Variants in ZDHHC14 observed in about 807,000 individuals in gnomAD.
ZDHHC14 encodes the protein palmitoyltransferase ZDHHC14.
A neutral mutation model predicts 47.7 loss-of-function variants in ZDHHC14; 16 were observed. The ratio of observed to expected loss-of-function variants is 0.34; its 90% confidence interval spans 0.23 to 0.51. The LOEUF is 0.51. ZDHHC14 is among the 20% of genes least tolerant of loss of function. The probability of loss-of-function intolerance (pLI) is 0.97; values close to 1 mark genes in which losing one functional copy is unlikely to be tolerated. For missense variants in ZDHHC14, 515 were observed against 662.5 expected, an observed-to-expected ratio of 0.78 and a Z score of 2.44; for synonymous variants, 293 against 278.9, an observed-to-expected ratio of 1.05 and a Z score of -0.50.
At chr6:157,556,890 C>A (rs921402708) in intron 2 of ZDHHC14, among the ~76,000 whole-genome samples, 1 of 152,124 alleles carries the variant, frequency 6.6e-6, no homozygotes, top group Non-Finnish European at 1.5e-5. Context: ...AGAGGTGGGG[C>A]TGATGAGGAG....
intron 3 of ZDHHC14, among the ~76,000 whole-genome samples, chr6:157,604,113 T>C (rs1368190898): frequency 6.6e-6 from 1 of 151,802 alleles, no homozygotes; most frequent in Non-Finnish European, 1.5e-5. Context: ...ATGGCAAAAC[T>C]CCATCTCTAC....
At chr6:157,618,676 AG>A (rs1785064285) in intron 3 of ZDHHC14, among the ~76,000 whole-genome samples, 1 of 152,132 alleles carries the variant, frequency 6.6e-6, no homozygotes, top group South Asian at 2.1e-4. Context: ...CCTAGATTCT[AG>A]GAAGCTCAGA....
At chr6:157,492,450 AGCGGGAAG>A (rs201047627) in intron 1 of ZDHHC14, among the ~76,000 whole-genome samples, 3,666 of 152,212 alleles carry the variant, frequency 0.024, 128 homozygotes, top group African/African-American at 0.084. Context: ...AAAGCGGGAA[AGCGGGAAG>A]GCGGAGGCTC....
chr6:157,467,974 T>C (rs1779260640), intron 1 of ZDHHC14, among the ~76,000 whole-genome samples: 1 of 152,216 alleles, frequency 6.6e-6, no homozygotes, highest in Non-Finnish European at 1.5e-5. Flanking sequence ...TTAAATCCTA[T>C]TAAATAATTG....
chr6:157,552,567 G>A (rs1404540733), intron 2 of ZDHHC14, among the ~76,000 whole-genome samples: 1 of 152,176 alleles, frequency 6.6e-6, no homozygotes, highest in Non-Finnish European at 1.5e-5. Flanking sequence ...AGGAAGCAAA[G>A]GACTCAATGA....
intron 3 of ZDHHC14, among the ~76,000 whole-genome samples, chr6:157,610,370 T>A (rs567529720): frequency 1.1e-4 from 16 of 152,092 alleles, no homozygotes; most frequent in Non-Finnish European, 2.1e-4. Context: ...AGGCGGAGCT[T>A]GCAGTGAGCC....
intron 8 of ZDHHC14, among the ~76,000 whole-genome samples, chr6:157,666,898 A>C (rs1465879909): frequency 6.6e-6 from 1 of 152,242 alleles, no homozygotes; most frequent in Non-Finnish European, 1.5e-5. Context: ...TGCAAGTTAC[A>C]TGCCGACACT....
At chr6:157,541,617 A>G (rs968754746) in intron 1 of ZDHHC14, among the ~76,000 whole-genome samples, 2 of 152,178 alleles carry the variant, frequency 1.3e-5, no homozygotes, top group African/African-American at 2.4e-5. Flanking sequence ...ATGTTCCCCA[A>G]TGCCCATGAT....
chr6:157,486,556 T>C (rs1779783093), intron 1 of ZDHHC14, among the ~76,000 whole-genome samples: 1 of 152,188 alleles, frequency 6.6e-6, no homozygotes, highest in Non-Finnish European at 1.5e-5. Context: ...TGAGCACATA[T>C]TGAGCACCTA....
At chr6:157,636,354 T>TGTGTGTGTGC (rs1375856412) in intron 5 of ZDHHC14, among the ~76,000 whole-genome samples, 2 of 151,778 alleles carry the variant, frequency 1.3e-5, no homozygotes, top group Non-Finnish European at 2.9e-5. Context: ...TGTGTGTGTG[T>TGTGTGTGTGC]GTGTGTGCAT....
chr6:157,459,179 T>C (rs1224453557), intron 1 of ZDHHC14, among the ~76,000 whole-genome samples: 1 of 152,140 alleles, frequency 6.6e-6, no homozygotes, highest in Admixed American at 6.5e-5. Flanking sequence ...AAATGCAGAA[T>C]AAAGGTATTT....
chr6:157,457,738 TTC>T (rs1051412306), intron 1 of ZDHHC14, among the ~76,000 whole-genome samples: 1 of 152,176 alleles, frequency 6.6e-6, no homozygotes, highest in African/African-American at 2.4e-5. Flanking sequence ...CCTGTATAGA[TTC>T]TGTGTTCCTG....
At chr6:157,612,162 A>G (rs1583018793) in intron 3 of ZDHHC14, among the ~76,000 whole-genome samples, 1 of 152,122 alleles carries the variant, frequency 6.6e-6, no homozygotes, top group East Asian at 1.9e-4. Context: ...CAGTTTGCTT[A>G]CTAGGTGGAT....
intron 2 of ZDHHC14, among the ~76,000 whole-genome samples, chr6:157,573,864 C>T (rs1382827208): frequency 6.6e-6 from 1 of 152,080 alleles, no homozygotes; most frequent in Non-Finnish European, 1.5e-5. Context: ...CATCAGCATT[C>T]CCCGTGCCCA....
intron 1 of ZDHHC14, among the ~76,000 whole-genome samples, chr6:157,425,501 G>A (rs954299493): frequency 5.3e-5 from 8 of 152,144 alleles, no homozygotes; most frequent in Non-Finnish European, 1.0e-4. Flanking sequence ...AATGATAGCG[G>A]ACATTGTGTC....
chr6:157,553,362 TG>T (rs1446029255), intron 2 of ZDHHC14, among the ~76,000 whole-genome samples: 1 of 152,056 alleles, frequency 6.6e-6, no homozygotes, highest in Non-Finnish European at 1.5e-5. Context: ...AGGGCCTCGC[TG>T]GGAAGAGCAC....
intron 2 of ZDHHC14, among the ~76,000 whole-genome samples, chr6:157,574,687 C>T (rs1290761263): frequency 6.6e-6 from 1 of 152,196 alleles, no homozygotes; most frequent in African/African-American, 2.4e-5. Flanking sequence ...TCATTGGTTT[C>T]CCCATTTTAA....
chr6:157,392,243 A>G (rs973820721), intron 1 of ZDHHC14, among the ~76,000 whole-genome samples: 2 of 152,248 alleles, frequency 1.3e-5, no homozygotes, highest in Admixed American at 1.3e-4. Context: ...GTTATATACA[A>G]TTAAGAGCAT....
At chr6:157,665,633 G>T (rs527924207) in intron 8 of ZDHHC14, among the ~76,000 whole-genome samples, 1 of 152,102 alleles carries the variant, frequency 6.6e-6, no homozygotes, top group Non-Finnish European at 1.5e-5. Context: ...ATAATTTTAC[G>T]TCTAGATAAG....
Sources: allele counts gnomAD v4.1 joint callset (sites outside exome capture counted in the v4.1 genomes callset), GRCh38; gene constraint gnomAD v4.1.1; transcripts MANE v1.5; gene names NCBI Gene and HGNC (gene_info 2026-07-23, HGNC 2026-07-21).